OXR1: variants seen among roughly 807,000 people sequenced by gnomAD.
OXR1 encodes the protein oxidation resistance 1.
OXR1 carries 41 observed loss-of-function variants against 104.6 expected under a neutral mutation model. That is an observed-to-expected ratio of 0.39 (90% CI 0.31 to 0.51). The LOEUF (loss-of-function observed/expected upper bound fraction) is 0.51. Ranked by LOEUF, OXR1 falls within the 20% of genes least tolerant of loss-of-function variation. The probability of loss-of-function intolerance (pLI) is 0.77; values close to 1 mark genes in which losing one functional copy is unlikely to be tolerated. For synonymous variants in OXR1, 348 were observed against 348.4 expected (o/e 1.00, Z 0.01); for missense variants, 955 against 1,031.9 (o/e 0.93, Z 1.02).
At chr8:106,476,977 C>T (rs963414078) in intron 2 of OXR1, among the ~76,000 whole-genome samples, 4 of 151,908 alleles carry the variant, frequency 2.6e-5, no homozygotes, top group Admixed American at 1.3e-4. Context: ...GCTGCAGCCA[C>T]GACTACACAA....
intron 2 of OXR1, among the ~76,000 whole-genome samples, chr8:106,484,007 G>C (rs1250989638): frequency 1.3e-5 from 2 of 152,068 alleles, no homozygotes; most frequent in Middle Eastern, 3.2e-3. Flanking sequence ...AGATTCCCTT[G>C]GGTATGGTGA....
intron 2 of OXR1, among the ~76,000 whole-genome samples, chr8:106,490,521 G>C (rs1423722611): frequency 1.3e-5 from 2 of 151,840 alleles, no homozygotes; most frequent in African/African-American, 2.4e-5. Context: ...ACCACACCCA[G>C]CTAATTTTGT....
At position 106,710,766 on chromosome 8, in the gene OXR1, A is replaced by G; in HGVS notation, c.1769A>G (p.Tyr590Cys). ...QYAQRDKKHE[Y>C]WFAVPQERTD... ...GCACAGAGAGATAAGAAACATGAATATTGGTTTGCTGTGCCACAAGAAAGG... is the reference window on the plus strand; with the variant it reads ...GCACAGAGAGATAAGAAACATGAATGTTGGTTTGCTGTGCCACAAGAAAGG... Residue 590 changes from tyrosine to cysteine, a missense_variant, in exon 10 of 17, where the codon TAT becomes TGT. Physicochemically the swap from Tyr to Cys is radical, Grantham distance 194. Coordinates refer to ENST00000517566, the MANE Select transcript of OXR1 (RefSeq NM_001198533.2). The G allele has an allele frequency of 6.5e-7, 1 of 1,532,590 alleles. No individual in the cohort carries two copies. Among genetic ancestry groups the G allele is most frequent in the Non-Finnish European group, 8.8e-7 (1 of 1,137,520 alleles). 94.9% of individuals were successfully genotyped at this position (1,532,590 alleles called of 1,614,324 possible).
At chr8:106,703,579 T>G (rs1426231072) in intron 8 of OXR1, among the ~76,000 whole-genome samples, 2 of 152,044 alleles carry the variant, frequency 1.3e-5, no homozygotes, top group Non-Finnish European at 2.9e-5. Flanking sequence ...TAAAATACAG[T>G]GTAAAGTACA....
At chr8:106,386,264 C>T (rs1817366830) in intron 2 of OXR1, among the ~76,000 whole-genome samples, 1 of 152,210 alleles carries the variant, frequency 6.6e-6, no homozygotes, top group African/African-American at 2.4e-5. Flanking sequence ...AGGAGGGTCT[C>T]TGACCTTTGG....
intron 1 of OXR1, among the ~76,000 whole-genome samples, chr8:106,281,669 G>C (rs1000251677): frequency 6.6e-6 from 1 of 151,944 alleles, no homozygotes. Context: ...GTGCACTGGC[G>C]CACGCCTGTA....
intron 3 of OXR1, among the ~76,000 whole-genome samples, chr8:106,638,925 A>AACG (rs1204521037): frequency 2.0e-5 from 3 of 150,182 alleles, no homozygotes; most frequent in African/African-American, 7.4e-5. Flanking sequence ...AAAACAACAC[A>AACG]ACAAAAATCA....
intron 1 of OXR1, among the ~76,000 whole-genome samples, chr8:106,356,701 T>TA (rs34141788): frequency 6.8e-6 from 1 of 147,984 alleles, no homozygotes; most frequent in Non-Finnish European, 1.5e-5. Flanking sequence ...TGTGCTTATT[T>TA]AAAAAAAGGT....
intron 3 of OXR1, among the ~76,000 whole-genome samples, chr8:106,594,070 T>A (rs908704591): frequency 6.6e-6 from 1 of 152,222 alleles, no homozygotes; most frequent in Non-Finnish European, 1.5e-5. Flanking sequence ...CAGTCTATGA[T>A]ACCATGGTTT....
At chr8:106,619,519 C>G (rs1467262112) in intron 3 of OXR1, among the ~76,000 whole-genome samples, 1 of 152,000 alleles carries the variant, frequency 6.6e-6, no homozygotes, top group Non-Finnish European at 1.5e-5. Flanking sequence ...TAATTTTAAT[C>G]ACAAATTCTA....
At chr8:106,701,033 A>G (rs1830543535) in intron 7 of OXR1, among the ~76,000 whole-genome samples, 2 of 152,142 alleles carry the variant, frequency 1.3e-5, no homozygotes, top group African/African-American at 2.4e-5. Flanking sequence ...ATTATCCTAG[A>G]CAATGTAAAT....
intron 2 of OXR1, among the ~76,000 whole-genome samples, chr8:106,412,036 T>C (rs1002426598): frequency 6.6e-6 from 1 of 152,150 alleles, no homozygotes; most frequent in Non-Finnish European, 1.5e-5. Context: ...CACAGGATTA[T>C]TGTGAAGATT....
intron 4 of OXR1, among the ~76,000 whole-genome samples, chr8:106,681,483 A>G (rs1433735477): frequency 1.3e-5 from 2 of 152,236 alleles, no homozygotes; most frequent in Non-Finnish European, 2.9e-5. Context: ...TGACTTTTGA[A>G]ATCTTCTATA....
intron 2 of OXR1, among the ~76,000 whole-genome samples, chr8:106,464,112 T>C (rs1415445333): frequency 2.0e-5 from 3 of 152,104 alleles, no homozygotes; most frequent in Admixed American, 6.6e-5. Context: ...TCTCTGATTA[T>C]ATTCTCATAG....
At chr8:106,373,888 C>G (rs1816806198) in intron 2 of OXR1, among the ~76,000 whole-genome samples, 1 of 152,160 alleles carries the variant, frequency 6.6e-6, no homozygotes, top group Admixed American at 6.5e-5. Flanking sequence ...CTGCACCCAG[C>G]CCTGATGTCT....
chr8:106,552,278 T>C (rs1298556843), intron 3 of OXR1, among the ~76,000 whole-genome samples: 1 of 151,984 alleles, frequency 6.6e-6, no homozygotes, highest in Non-Finnish European at 1.5e-5. Flanking sequence ...ATCCATGTTG[T>C]TGGAAGACTT....
Position 106,751,263 on chromosome 8 carries a change from T to C in OXR1, c.*322T>C, listed in dbSNP as rs1302573267. On this transcript the variant is annotated 3_prime_UTR_variant, in exon 17 of 17. Coordinates refer to ENST00000517566, the MANE Select transcript of OXR1 (RefSeq NM_001198533.2). ...GTTCCCTAATAGGATGGTGCTCTTTTGTTGAACCTGTATTGATTTTTTTTT... is the reference window on the plus strand; with the variant it reads ...GTTCCCTAATAGGATGGTGCTCTTTCGTTGAACCTGTATTGATTTTTTTTT... 11 of 188,574 alleles carry C rather than the reference T, an allele frequency of 5.8e-5. No homozygotes were observed. The highest frequency in any genetic ancestry group is 1.2e-4 in the Admixed American group (2 of 16,332). The allele number at this position is 188,574 out of a possible 1,614,324, so 11.7% of individuals were successfully genotyped here. A position where few individuals can be genotyped will look rare whatever the true frequency, so the allele number is the denominator to read the frequency against.
intron 2 of OXR1, among the ~76,000 whole-genome samples, chr8:106,462,990 T>C (rs983932700): frequency 6.6e-6 from 1 of 152,134 alleles, no homozygotes; most frequent in Non-Finnish European, 1.5e-5. Context: ...ATTATTTCCA[T>C]TTTATAGGTG....
chr8:106,637,327 G>GTA (rs1263791481), intron 3 of OXR1, among the ~76,000 whole-genome samples: 1 of 149,348 alleles, frequency 6.7e-6, no homozygotes, highest in East Asian at 2.2e-4. Context: ...TAATGTGTGT[G>GTA]TGTATATATA....
Sources: allele counts gnomAD v4.1 joint callset (sites outside exome capture counted in the v4.1 genomes callset), GRCh38; gene constraint gnomAD v4.1.1; transcripts MANE v1.5; gene names NCBI Gene and HGNC (gene_info 2026-07-23, HGNC 2026-07-21).